Variants in KIF27 observed in about 807,000 individuals in gnomAD.
The protein encoded by KIF27 is kinesin-like protein KIF27.
A neutral mutation model predicts 141.8 loss-of-function variants in KIF27; 84 were observed. The ratio of observed to expected loss-of-function variants is 0.59; its 90% confidence interval spans 0.50 to 0.71. The LOEUF is 0.71. Ranked by LOEUF, KIF27 falls within the 30% of genes least tolerant of loss-of-function variation. The pLI, the probability that KIF27 is intolerant of heterozygous loss-of-function variation, is 0.00. For synonymous variants in KIF27, 471 were observed against 569.5 expected (o/e 0.83, Z 2.46); for missense variants, 1,306 against 1,628.4 (o/e 0.80, Z 3.41).
chr9:83,863,385 AG>A (rs1950100862), intron 13 of KIF27, among the ~76,000 whole-genome samples: 2 of 152,152 alleles, frequency 1.3e-5, no homozygotes, highest in South Asian at 2.1e-4. Context: ...TTTACCATGA[AG>A]GGCTGTTGAA....
chr9:83,848,819 T>TC (rs915068271), intron 16 of KIF27: 3 of 147,402 alleles, frequency 2.0e-5, no homozygotes, highest in African/African-American at 7.4e-5. Context: ...CTTTTTTACT[T>TC]TTTTTTTTTT....
chr9:83,882,821 C>T (rs1014668334), intron 10 of KIF27, among the ~76,000 whole-genome samples: 1 of 152,120 alleles, frequency 6.6e-6, no homozygotes. Context: ...CATAGATAAC[C>T]ACCCTATGTC....
chr9:83,863,225 G>A (rs1468084809), intron 13 of KIF27, among the ~76,000 whole-genome samples: 1 of 152,128 alleles, frequency 6.6e-6, no homozygotes, highest in Non-Finnish European at 1.5e-5. Flanking sequence ...GAATAGGAGT[G>A]GTGAGAGAGG....
chr9:83,879,603 GTTA>G (rs1307222360), intron 11 of KIF27, among the ~76,000 whole-genome samples: 2 of 152,246 alleles, frequency 1.3e-5, no homozygotes, highest in Admixed American at 1.3e-4. Flanking sequence ...ATAAGTGTCT[GTTA>G]TTATGATCAT....
At chr9:83,873,038 A>T (rs1950923813) in intron 11 of KIF27, among the ~76,000 whole-genome samples, 1 of 152,310 alleles carries the variant, frequency 6.6e-6, no homozygotes, top group Non-Finnish European at 1.5e-5. Context: ...CTGGCTCCCA[A>T]ACTAGGTATA....
chr9:83,901,880 A>T (rs1328437969), intron 4 of KIF27, among the ~76,000 whole-genome samples: 1 of 152,232 alleles, frequency 6.6e-6, no homozygotes, highest in Non-Finnish European at 1.5e-5. Flanking sequence ...TCAAAAAAAA[A>T]AAATTGTTAG....
intron 6 of KIF27, among the ~76,000 whole-genome samples, chr9:83,890,245 TGTCA>T (rs1952541150): frequency 6.6e-6 from 1 of 152,152 alleles, no homozygotes; most frequent in Admixed American, 6.5e-5. Context: ...GTGCTTCTGC[TGTCA>T]GTCACCTAAT....
intron 10 of KIF27, among the ~76,000 whole-genome samples, chr9:83,881,568 G>A (rs1329420534): frequency 6.6e-6 from 1 of 152,222 alleles, no homozygotes. Context: ...AGATTCGGTT[G>A]ACGTTTTCAT....
chr9:83,864,667 A>G (rs1179948577), intron 13 of KIF27, among the ~76,000 whole-genome samples: 1 of 152,170 alleles, frequency 6.6e-6, no homozygotes, highest in Non-Finnish European at 1.5e-5. Context: ...TGGGGTGGAA[A>G]GTTCTGTAGA....
intron 16 of KIF27, among the ~76,000 whole-genome samples, chr9:83,848,270 CAG>C (rs1217838440): frequency 1.2e-4 from 12 of 104,168 alleles, no homozygotes; most frequent in South Asian, 5.5e-4. Context: ...TATGATATAT[CAG>C]ATATGATATA....
chr9:83,893,270 T>C (rs1952852740), intron 5 of KIF27, among the ~76,000 whole-genome samples: 1 of 152,146 alleles, frequency 6.6e-6, no homozygotes, highest in Non-Finnish European at 1.5e-5. Flanking sequence ...TATAAATTAC[T>C]GATATAACAA....
intron 9 of KIF27, among the ~76,000 whole-genome samples, chr9:83,884,499 G>A (rs1951929408): frequency 6.6e-6 from 1 of 152,062 alleles, no homozygotes; most frequent in Non-Finnish European, 1.5e-5. Context: ...AAGTTATCAA[G>A]ATTTTGTCAC....
chr9:83,903,520 T>C lies in KIF27; in HGVS notation c.998A>G (p.Lys333Arg), dbSNP rs778307249. 6.2e-7 allele frequency: 1 copy of C among 1,614,144 alleles called. No individual in the cohort carries two copies. The highest frequency in any genetic ancestry group is 8.5e-7 in the Non-Finnish European group (1 of 1,180,010). Residue 333 changes from lysine to arginine, a missense_variant, in exon 4 of 18, where the codon AAA (lysine) becomes AGA (arginine). Lys to Arg is a conservative substitution (Grantham distance 26). Coordinates refer to ENST00000297814, the MANE Select transcript of KIF27 (RefSeq NM_017576.4). ...SNFDESLNSL[K>R]YANRARNIRN... ...AATGTTCCGTGCTCTGTTGGCATATTTGAGAGAATTTAAGGACTCATCAAA... is the reference window on the plus strand; with the variant it reads ...AATGTTCCGTGCTCTGTTGGCATATCTGAGAGAATTTAAGGACTCATCAAA...
intron 2 of KIF27, among the ~76,000 whole-genome samples, chr9:83,915,086 A>G (rs996253022): frequency 3.3e-5 from 5 of 152,230 alleles, no homozygotes; most frequent in Non-Finnish European, 7.3e-5. Flanking sequence ...TCAAGCAAAT[A>G]TAATCCTAAG....
chr9:83,907,703 A>G (rs1164725888), intron 3 of KIF27, among the ~76,000 whole-genome samples: 1 of 152,190 alleles, frequency 6.6e-6, no homozygotes, highest in African/African-American at 2.4e-5. Context: ...AAAAAAGAGG[A>G]AGAAGTATGT....
rs906295892 is a variant in KIF27 at position 83,856,363 on chromosome 9, T to C, written c.3151-2528A>G. The stretch of plus-strand genomic sequence containing the variant: ...GTTCAAGGCCTGTAAACCCAGCACT[T>C]TGGGAGGCTGAGGCGGGTGGATCAC... On this transcript the variant is annotated intron_variant, in intron 14 of 17. Coordinates refer to ENST00000297814, the MANE Select transcript of KIF27 (RefSeq NM_017576.4). 3.9e-5 allele frequency among the ~76,000 whole-genome samples: 6 copies of C among 152,202 alleles called. No individual in the cohort carries two copies. The South Asian group carries it at 1.0e-3, about 26-fold the overall frequency.
At chr9:83,867,926 T>G in intron 12 of KIF27, 66 bp from the exon 13 acceptor site, 6 of 1,434,574 alleles carry the variant, frequency 4.2e-6, no homozygotes, top group Non-Finnish European at 5.6e-6. Context: ...ATGGTAATAA[T>G]AGAATTTCAG....
chr9:83,865,658 TATAG>T (rs1361566410), intron 13 of KIF27, among the ~76,000 whole-genome samples: 3 of 152,220 alleles, frequency 2.0e-5, no homozygotes, highest in Non-Finnish European at 2.9e-5. Context: ...TGTAGTTATT[TATAG>T]ATAGTCATCT....
intron 1 of KIF27, among the ~76,000 whole-genome samples, chr9:83,918,725 G>C (rs1317444793): frequency 6.6e-6 from 1 of 152,044 alleles, no homozygotes. Context: ...AGGATGACCT[G>C]AGGTCAGGAG....
Sources: allele counts gnomAD v4.1 joint callset (sites outside exome capture counted in the v4.1 genomes callset), GRCh38; gene constraint gnomAD v4.1.1; transcripts MANE v1.5; gene names NCBI Gene and HGNC (gene_info 2026-07-23, HGNC 2026-07-21).